The following WNT11 variants were observed in gnomAD, a reference collection of about 807,000 sequenced individuals.
The protein encoded by WNT11 is Wnt family member 11, also known as protein Wnt-11.
WNT11 carries 20 observed loss-of-function variants against 35.6 expected under a neutral mutation model. The observed-to-expected ratio is 0.56, with a 90% CI of 0.40 to 0.82. The LOEUF (loss-of-function observed/expected upper bound fraction) is 0.82, where lower values mean the gene tolerates loss of function less well. Ranked by LOEUF, WNT11 falls within the 40% of genes least tolerant of loss-of-function variation. The pLI, the probability that WNT11 is intolerant of heterozygous loss-of-function variation, is 0.00. For missense variants in WNT11, 459 were observed against 504.4 expected (o/e 0.91, Z 0.86); for synonymous variants, 200 against 211.9 (o/e 0.94, Z 0.49).
chr11:76,208,116 G>A (rs1953501537), upstream of WNT11, among the ~76,000 whole-genome samples: 1 of 152,206 alleles, frequency 6.6e-6, no homozygotes, highest in African/African-American at 2.4e-5. Context: ...ACGAGGAATG[G>A]GGCTTCGCCG....
At chr11:76,189,092 G>C (rs1194342285) in intron 4 of WNT11, among the ~76,000 whole-genome samples, 2 of 152,232 alleles carry the variant, frequency 1.3e-5, no homozygotes, top group African/African-American at 2.4e-5. Context: ...CCCCAGCTCT[G>C]CCACTTAGTG....
At chr11:76,195,969 C>G (rs1388682839) in intron 2 of WNT11, among the ~76,000 whole-genome samples, 1 of 152,206 alleles carries the variant, frequency 6.6e-6, no homozygotes, top group Non-Finnish European at 1.5e-5. Flanking sequence ...CCCAGACTCC[C>G]CCCACCAGAA....
intron 1 of WNT11, among the ~76,000 whole-genome samples, chr11:76,204,529 C>T (rs908728316): frequency 6.6e-6 from 1 of 152,240 alleles, no homozygotes; most frequent in African/African-American, 2.4e-5. Flanking sequence ...CTATGCATCT[C>T]CCTTAGATAG....
chr11:76,202,544 C>A (rs571827382), intron 1 of WNT11, among the ~76,000 whole-genome samples: 1 of 152,054 alleles, frequency 6.6e-6, no homozygotes, highest in South Asian at 2.1e-4. Context: ...GCAAGCCCAG[C>A]CTCTCCCCAG....
At chr11:76,190,451 C>T (rs55733233) in intron 4 of WNT11, among the ~76,000 whole-genome samples, 29,358 of 151,962 alleles carry the variant, frequency 0.19, 3,070 homozygotes, top group Middle Eastern at 0.26. Flanking sequence ...AGATGGGAGC[C>T]TGGGCCTCCT....
At chr11:76,210,319 G>A (rs969334468), upstream of WNT11, 2 of 580,814 alleles carry the variant, frequency 3.4e-6, no homozygotes, top group Middle Eastern at 8.7e-4. Flanking sequence ...GCGGGGGAAA[G>A]GTATGGAGGA....
intron 4 of WNT11, among the ~76,000 whole-genome samples, chr11:76,188,727 G>A (rs909204166): frequency 2.0e-5 from 3 of 152,276 alleles, no homozygotes; most frequent in African/African-American, 7.2e-5. Context: ...TGAGTACAAG[G>A]TCTGTGAGAG....
chr11:76,197,798 G>T (rs143641417), intron 1 of WNT11, among the ~76,000 whole-genome samples: 85 of 152,068 alleles, frequency 5.6e-4, no homozygotes, highest in African/African-American at 2.0e-3. Context: ...GCCCCTCCTC[G>T]ATCTGCCGTT....
chr11:76,193,511 G>A (rs1023135663), intron 3 of WNT11, among the ~76,000 whole-genome samples: 6 of 152,252 alleles, frequency 3.9e-5, no homozygotes, highest in African/African-American at 9.6e-5. Context: ...GGTCAGCAGG[G>A]CCAGGAGGCA....
Position 76,201,857 on chromosome 11 carries a change from C to T in WNT11, c.83+4468G>A, listed in dbSNP as rs193065430. On this transcript the variant is annotated intron_variant, in intron 1 of 4. Coordinates refer to ENST00000322563, the MANE Select transcript of WNT11 (RefSeq NM_004626.3). ...CTTCACTGAGGTATTTTCCTGGTGG[C>T]GCCAGCAACCCTACCCTCAGGCCGC... 3.9e-4 allele frequency among the ~76,000 whole-genome samples: 59 copies of T among 152,248 alleles called. 1 individual carries two copies. The highest frequency in any genetic ancestry group is 1.9e-3 in the Admixed American group (29 of 15,304).
upstream of WNT11, among the ~76,000 whole-genome samples, chr11:76,207,311 G>A (rs1953490265): frequency 6.6e-6 from 1 of 152,182 alleles, no homozygotes; most frequent in African/African-American, 2.4e-5. Flanking sequence ...TGCAGCGAGC[G>A]GAGATTGCGC....
chr11:76,186,654 A>G lies in WNT11; in HGVS notation c.*411T>C, dbSNP rs1953097383. ...GCTAGTGATTCCATGTGGTGGGCCC[A>G]GCAGGCTCAGACCCCAGGGTGGGCC... On this transcript the variant is annotated 3_prime_UTR_variant, in exon 5 of 5. Coordinates refer to ENST00000322563, the MANE Select transcript of WNT11 (RefSeq NM_004626.3). 4 of 324,220 alleles carry G rather than the reference A, an allele frequency of 1.2e-5. No homozygotes were observed. Among genetic ancestry groups the G allele is most frequent in the Non-Finnish European group, 2.5e-5 (4 of 162,944 alleles). 20.1% of individuals were successfully genotyped at this position (324,220 alleles called of 1,614,324 possible).
At chr11:76,191,415 T>A in intron 4 of WNT11, 149 bp downstream of exon 4, 1 of 924,426 alleles carries the variant, frequency 1.1e-6, no homozygotes, top group East Asian at 2.5e-5. Flanking sequence ...CATCTCCACT[T>A]AGCAGTCCTG....
Position 76,187,055 on chromosome 11 carries a change from G to A in WNT11, c.*10C>T. ...AGTCCTCGCTCCTGCGTGGGGCGGA[G>A]GGCAGGGCCTCACTTGCAGACATAG... is the stretch of plus-strand genomic sequence containing the variant. On this transcript the variant is annotated 3_prime_UTR_variant, in exon 5 of 5. Transcript: ENST00000322563. 1.9e-6 allele frequency: 3 copies of A among 1,608,606 alleles called. No individual in the cohort carries two copies. The highest frequency in any genetic ancestry group is 2.5e-6 in the Non-Finnish European group (3 of 1,179,864).
chr11:76,206,294 C>T (rs757243587), intron 1 of WNT11, 31 bp downstream of exon 1: 3 of 1,492,688 alleles, frequency 2.0e-6, no homozygotes, highest in Non-Finnish European at 2.7e-6. Context: ...AGTCCCTGGC[C>T]TGTGCGCGTG....
At chr11:76,209,951 C>T (rs1219867668), upstream of WNT11, among the ~76,000 whole-genome samples, 1 of 151,818 alleles carries the variant, frequency 6.6e-6, no homozygotes, top group East Asian at 2.0e-4. Flanking sequence ...TCCCCCTCCC[C>T]CCGCCGCCCC....
At chr11:76,210,357 G>T (rs1032040086), upstream of WNT11, 1 of 898,018 alleles carries the variant, frequency 1.1e-6, no homozygotes, top group South Asian at 5.1e-5. Flanking sequence ...CCGGGAGTGG[G>T]TGCCCAAGGG....
intron 1 of WNT11, among the ~76,000 whole-genome samples, chr11:76,204,443 G>C (rs552981210): frequency 5.3e-5 from 8 of 152,248 alleles, no homozygotes; most frequent in African/African-American, 1.9e-4. Flanking sequence ...TGCTCGTGCT[G>C]TGCCTCCCGC....
upstream of WNT11, among the ~76,000 whole-genome samples, chr11:76,208,165 G>C (rs1316097339): frequency 6.6e-6 from 1 of 152,250 alleles, no homozygotes; most frequent in Admixed American, 6.5e-5. Context: ...CAGCCTGCGG[G>C]GCTCAGCGCC....
Sources: allele counts gnomAD v4.1 joint callset (sites outside exome capture counted in the v4.1 genomes callset), GRCh38; gene constraint gnomAD v4.1.1; transcripts MANE v1.5; gene names NCBI Gene and HGNC (gene_info 2026-07-23, HGNC 2026-07-21).